The following TTC23 variants were observed in gnomAD, a reference collection of about 807,000 sequenced individuals.
TTC23 encodes tetratricopeptide repeat protein 23.
In TTC23, 58 loss-of-function variants were observed where a neutral mutation model predicts 55.1. The observed-to-expected ratio is 1.05, with a 90% CI of 0.85 to 1.31. The LOEUF is 1.31. Among genes scored for constraint, TTC23 ranks in the 50% most tolerant of loss-of-function variants. TTC23 has a pLI of 0.00. For synonymous variants in TTC23, 203 were observed against 199.9 expected (o/e 1.02, Z -0.13); for missense variants, 516 against 534.4 (o/e 0.97, Z 0.34).
chr15:99,187,157 A>G (rs981253991), intron 9 of TTC23, among the ~76,000 whole-genome samples: 6 of 151,996 alleles, frequency 3.9e-5, no homozygotes, highest in African/African-American at 1.4e-4. Context: ...ATAAACCCTT[A>G]TATTTATGGC....
chr15:99,173,851 A>G (rs989259749), intron 10 of TTC23, among the ~76,000 whole-genome samples: 1 of 152,164 alleles, frequency 6.6e-6, no homozygotes, highest in Non-Finnish European at 1.5e-5. Flanking sequence ...CACCTGCTTC[A>G]CTCACATTGC....
intron 8 of TTC23, among the ~76,000 whole-genome samples, chr15:99,203,005 G>T (rs751870889): frequency 3.3e-4 from 50 of 152,102 alleles, no homozygotes; most frequent in Middle Eastern, 3.2e-3. Context: ...CTCCCAACCT[G>T]CACACCATAT....
intron 10 of TTC23, among the ~76,000 whole-genome samples, chr15:99,170,276 A>G (rs2072735875): frequency 6.6e-6 from 1 of 152,136 alleles, no homozygotes; most frequent in Non-Finnish European, 1.5e-5. Context: ...TCGAGACTGA[A>G]ACACTTGCTT....
intron 12 of TTC23, among the ~76,000 whole-genome samples, chr15:99,152,102 T>C (rs1555497223): frequency 6.6e-6 from 1 of 152,234 alleles, no homozygotes; most frequent in Non-Finnish European, 1.5e-5. Flanking sequence ...GTTTAAGCAC[T>C]ATCCTCTTAG....
chr15:99,219,567 A>T (rs1417552945), intron 6 of TTC23, among the ~76,000 whole-genome samples: 4 of 152,212 alleles, frequency 2.6e-5, no homozygotes, highest in African/African-American at 9.7e-5. Flanking sequence ...CAGTGAGGTA[A>T]CAGATTAATG....
chr15:99,218,181 T>C (rs1285318315), intron 8 of TTC23, among the ~76,000 whole-genome samples: 1 of 152,252 alleles, frequency 6.6e-6, no homozygotes, highest in Non-Finnish European at 1.5e-5. Context: ...TTCGTGATCA[T>C]GGATTCAGAT....
At chr15:99,238,414 A>G (rs1224962234) in intron 3 of TTC23, among the ~76,000 whole-genome samples, 1 of 152,228 alleles carries the variant, frequency 6.6e-6, no homozygotes, top group Non-Finnish European at 1.5e-5. Context: ...TTAGCACAGT[A>G]CTAGGTGCTA....
intron 8 of TTC23, among the ~76,000 whole-genome samples, chr15:99,210,513 G>C (rs1354399824): frequency 6.6e-6 from 1 of 152,180 alleles, no homozygotes; most frequent in Admixed American, 6.5e-5. Flanking sequence ...TCCCACAGGA[G>C]CAGCTGACAG....
chr15:99,188,015 CAT>C (rs943626433), intron 9 of TTC23, among the ~76,000 whole-genome samples: 2 of 152,050 alleles, frequency 1.3e-5, no homozygotes, highest in East Asian at 1.9e-4. Flanking sequence ...GAAATAAAAA[CAT>C]ATGTCTGTAC....
At position 99,249,562 on chromosome 15, in the gene TTC23, A is replaced by G. The variant is rs1199849458; in HGVS notation, c.-822T>C. ...GGCAGTTCCGGAGCAGCCTTTTCCC[A>G]TAAAGCAAGCGGGTACCTCACAAAA... On this transcript the variant is annotated 5_prime_UTR_variant, in exon 1 of 14. The change abolishes an upstream ATG in the 5' untranslated region. Coordinates refer to ENST00000394132, the MANE Select transcript of TTC23 (RefSeq NM_001288615.3). 2 of 152,238 alleles carry G rather than the reference A, an allele frequency of 1.3e-5. No homozygotes were observed. Among genetic ancestry groups the G allele is most frequent in the Admixed American group, 6.5e-5 (1 of 15,278 alleles). 9.4% of individuals were successfully genotyped at this position (152,238 alleles called of 1,614,324 possible). A position where few individuals can be genotyped will look rare whatever the true frequency, so the allele number is the denominator to read the frequency against.
intron 8 of TTC23, among the ~76,000 whole-genome samples, chr15:99,215,055 CATGTTAGCTAG>C (rs1567506985): frequency 6.6e-6 from 1 of 151,604 alleles, no homozygotes; most frequent in Non-Finnish European, 1.5e-5. Flanking sequence ...AGGGTCTCGC[CATGTTAGCTAG>C]GCTGGTCTTG....
intron 6 of TTC23, among the ~76,000 whole-genome samples, chr15:99,219,972 C>T (rs1239070780): frequency 6.6e-6 from 1 of 152,122 alleles, no homozygotes; most frequent in South Asian, 2.1e-4. Context: ...AATTCTTACA[C>T]AAGATTGTCT....
chr15:99,243,796 A>T (rs1365563026), intron 2 of TTC23, among the ~76,000 whole-genome samples: 1 of 152,206 alleles, frequency 6.6e-6, no homozygotes, highest in Non-Finnish European at 1.5e-5. Flanking sequence ...GAACACAGAG[A>T]GTAGAATGAT....
At chr15:99,174,662 T>G (rs1239151251) in intron 10 of TTC23, among the ~76,000 whole-genome samples, 1 of 152,218 alleles carries the variant, frequency 6.6e-6, no homozygotes, top group African/African-American at 2.4e-5. Flanking sequence ...GATGGAAAGT[T>G]CAGCCCTGAC....
At chr15:99,204,996 A>G (rs145861979) in intron 8 of TTC23, among the ~76,000 whole-genome samples, 1,702 of 152,280 alleles carry the variant, frequency 0.011, 26 homozygotes, top group African/African-American at 0.039. Context: ...CTAGGGGTCT[A>G]GTTTCATTCT....
intron 11 of TTC23, chr15:99,159,440 A>C (rs1372688792): frequency 1.3e-5 from 2 of 152,230 alleles, no homozygotes; most frequent in African/African-American, 2.4e-5. Context: ...TGGATTCTCT[A>C]AGGAAGAATA....
chr15:99,174,375 T>G (rs1567394495), intron 10 of TTC23, among the ~76,000 whole-genome samples: 1 of 152,032 alleles, frequency 6.6e-6, no homozygotes, highest in Non-Finnish European at 1.5e-5. Context: ...CTTATTTTAT[T>G]CAGTATGTAA....
intron 8 of TTC23, among the ~76,000 whole-genome samples, chr15:99,216,694 C>T (rs998345696): frequency 6.6e-6 from 1 of 152,074 alleles, no homozygotes; most frequent in Non-Finnish European, 1.5e-5. Flanking sequence ...TTATATGCAC[C>T]AGGTTGGCAA....
intron 12 of TTC23, among the ~76,000 whole-genome samples, chr15:99,142,047 A>C (rs116743216): frequency 1.1e-3 from 162 of 152,274 alleles, no homozygotes; most frequent in African/African-American, 3.6e-3. Context: ...TGCTCATTCC[A>C]TGGGGTTGAG....
Sources: gnomAD v4.1 joint callset for allele counts (sites outside exome capture counted in the v4.1 genomes callset) on GRCh38, gnomAD v4.1.1 for gene constraint, MANE v1.5 for transcripts, NCBI Gene and HGNC (gene_info 2026-07-23, HGNC 2026-07-21) for gene names.